The following TTLL5 variants were observed in gnomAD, a reference collection of about 807,000 sequenced individuals.
TTLL5 encodes the protein tubulin polyglutamylase TTLL5.
In TTLL5, 132 loss-of-function variants were observed where a neutral mutation model predicts 168.4. That is an observed-to-expected ratio of 0.78 (90% CI 0.68 to 0.91). TTLL5 has a LOEUF of 0.91. TTLL5 is among the 40% of genes least tolerant of loss of function. TTLL5 has a pLI of 0.00. For synonymous variants in TTLL5, 546 were observed against 558.6 expected, an observed-to-expected ratio of 0.98 and a Z score of 0.32; for missense variants, 1,545 against 1,581.5, an observed-to-expected ratio of 0.98 and a Z score of 0.39.
At chr14:75,872,912 CA>C (rs71119400) in intron 29 of TTLL5, among the ~76,000 whole-genome samples, 88 of 131,196 alleles carry the variant, frequency 6.7e-4, no homozygotes, top group East Asian at 6.1e-3. Context: ...AACTCCATCT[CA>C]AAAAAAAAAA....
chr14:75,753,684 T>C (rs1415019940), intron 18 of TTLL5, among the ~76,000 whole-genome samples: 2 of 152,218 alleles, frequency 1.3e-5, no homozygotes, highest in Non-Finnish European at 2.9e-5. Context: ...GCAATTTGTC[T>C]CTGTAAATTT....
Position 75,689,590 on chromosome 14 carries a change from A to G in TTLL5, c.372-602A>G, listed in dbSNP as rs374220196. On this transcript the variant is annotated intron_variant, in intron 5 of 31. Coordinates refer to ENST00000298832, the MANE Select transcript of TTLL5 (RefSeq NM_015072.5). Reference sequence around the variant, plus strand: ...TAATCTCCAAAAATTAAACAATCCAAATGCCTTCAACTGGTGAATGGATAA... The same window carrying G: ...TAATCTCCAAAAATTAAACAATCCAGATGCCTTCAACTGGTGAATGGATAA... 13 of 152,356 alleles carry G rather than the reference A, an allele frequency of 8.5e-5. No individual in the cohort carries two copies. In the East Asian group the frequency reaches 2.5e-3, roughly 29 times the overall value. The allele number at this position is 152,356 out of a possible 1,614,324, so 9.4% of individuals were successfully genotyped here.
chr14:75,908,282 A>C (rs1274787000), intron 31 of TTLL5, among the ~76,000 whole-genome samples: 1 of 152,266 alleles, frequency 6.6e-6, no homozygotes, highest in Non-Finnish European at 1.5e-5. Context: ...CTGCAGAGTC[A>C]GGCCCACCAG....
chr14:75,749,558 C>T (rs987269224), intron 17 of TTLL5, among the ~76,000 whole-genome samples: 2 of 70,730 alleles, frequency 2.8e-5, no homozygotes, highest in African/African-American at 4.2e-5. Context: ...GAGTGCTGAC[C>T]CTATAGGAGC....
At chr14:75,783,040 T>C in intron 25 of TTLL5, 107 bp from the exon 26 acceptor site, 1 of 1,247,088 alleles carries the variant, frequency 8.0e-7, no homozygotes, top group Non-Finnish European at 1.1e-6. Context: ...GATTTCTGTT[T>C]CATGCCAAGA....
rs1385837840 is a variant in TTLL5, at chr14:75,758,059, A to G, written c.1550+5104A>G. Among the ~76,000 whole-genome samples the G allele has an allele frequency of 4.6e-5, 7 of 152,258 alleles. 1 individual carries two copies. In the South Asian group the frequency reaches 1.2e-3, roughly 27 times the overall value. On this transcript the variant is annotated intron_variant, in intron 18 of 31. Coordinates refer to ENST00000298832, the MANE Select transcript of TTLL5 (RefSeq NM_015072.5). ...AGCTAAGTTTGAGATTTACTTCACT[A>G]TAACTACAGGTATACTATTCTAACT...
At chr14:75,731,656 G>A (rs1340999148) in intron 12 of TTLL5, among the ~76,000 whole-genome samples, 3 of 152,080 alleles carry the variant, frequency 2.0e-5, no homozygotes, top group Non-Finnish European at 4.4e-5. Context: ...AATATTAGTA[G>A]TGCAAAGATA....
chr14:75,821,182 A>T (rs1197344076), intron 28 of TTLL5, among the ~76,000 whole-genome samples: 3 of 152,244 alleles, frequency 2.0e-5, no homozygotes, highest in Non-Finnish European at 4.4e-5. Context: ...CCCAGGAAGC[A>T]GCATAGATAT....
chr14:75,906,410 C>A, intron 31 of TTLL5: 1 of 572,142 alleles, frequency 1.7e-6, no homozygotes, highest in Non-Finnish European at 2.2e-6. Context: ...AAAAGAGAGA[C>A]TGTGAATTGG....
In TTLL5 at chr14:75,707,846, T is replaced by A. The variant is rs971087919; in HGVS notation, c.740+139T>A. 8.3e-6 allele frequency: 6 copies of A among 719,304 alleles called. No individual in the cohort carries two copies. The Admixed American group carries it at 1.0e-4, about 12-fold the overall frequency. 44.6% of individuals were successfully genotyped at this position (719,304 alleles called of 1,614,324 possible). A position where few individuals can be genotyped will look rare whatever the true frequency, so the allele number is the denominator to read the frequency against. ...TTACTGCTTACAGATGCAATCCACC[T>A]CCTCAACTGCTGTGCTCTATAACAT... On this transcript the variant is annotated intron_variant, in intron 9 of 31. Transcript: ENST00000298832.
At chr14:75,924,457 T>A (rs2033938390) in intron 31 of TTLL5, among the ~76,000 whole-genome samples, 1 of 151,768 alleles carries the variant, frequency 6.6e-6, no homozygotes, top group African/African-American at 2.4e-5. Context: ...TGTCCCTGGG[T>A]ACTTGAGATT....
chr14:75,887,914 G>A (rs1419566220), intron 30 of TTLL5, among the ~76,000 whole-genome samples: 2 of 152,306 alleles, frequency 1.3e-5, no homozygotes, highest in African/African-American at 2.4e-5. Context: ...AGGTGCTGGG[G>A]GAATTTCTTT....
chr14:75,730,874 C>A (rs944881879), intron 12 of TTLL5, among the ~76,000 whole-genome samples: 5 of 152,112 alleles, frequency 3.3e-5, no homozygotes, highest in Admixed American at 2.6e-4. Context: ...TGCCTGCCAC[C>A]ACGCCCAGCT....
At chr14:75,804,251 T>C (rs1270827994) in intron 27 of TTLL5, among the ~76,000 whole-genome samples, 2 of 152,252 alleles carry the variant, frequency 1.3e-5, no homozygotes, top group East Asian at 3.8e-4. Flanking sequence ...TGCCTGGTCC[T>C]AGAGAAAGAT....
In TTLL5 at chr14:75,847,734, T is replaced by C. The variant is rs1229894350; in HGVS notation, c.3327-15933T>C. On this transcript the variant is annotated intron_variant, in intron 28 of 31. Coordinates refer to ENST00000298832, the MANE Select transcript of TTLL5 (RefSeq NM_015072.5). ...AGCCCAAGCAATATGGTGGCAGAAT[T>C]CGTGCTCTTAACCACTCTGCCAGTG... The C allele has an allele frequency of 6.6e-5, 10 of 152,002 alleles. 1 individual carries two copies. Among genetic ancestry groups the C allele is most frequent in the African/African-American group, 2.4e-4 (10 of 41,284 alleles). 9.4% of individuals were successfully genotyped at this position (152,002 alleles called of 1,614,324 possible).
At chr14:75,773,927 T>TATATATAGAGAGAG (rs1354936334) in intron 21 of TTLL5, among the ~76,000 whole-genome samples, 9 of 21,122 alleles carry the variant, frequency 4.3e-4, no homozygotes, top group African/African-American at 5.9e-4. Flanking sequence ...TATATATATA[T>TATATATAGAGAGAG]AGAGAGAGAG....
At chr14:75,691,230 T>C (rs1885441744) in intron 6 of TTLL5, among the ~76,000 whole-genome samples, 1 of 152,174 alleles carries the variant, frequency 6.6e-6, no homozygotes, top group African/African-American at 2.4e-5. Flanking sequence ...AGATCTAAAA[T>C]GGGCTTCTTA....
chr14:75,681,749 G>T, intron 4 of TTLL5, 122 bp downstream of exon 4: 1 of 718,726 alleles, frequency 1.4e-6, no homozygotes, highest in Non-Finnish European at 2.3e-6. Context: ...GCTTAGTGGT[G>T]GTCCAGAACT....
chr14:75,914,017 G>GAAAAAAA (rs1201862659), intron 31 of TTLL5, among the ~76,000 whole-genome samples: 497 of 30,976 alleles, frequency 0.016, 10 homozygotes, highest in South Asian at 0.033. Context: ...TGTTTAAAAG[G>GAAAAAAA]AAAAAAAAAA....
Sources: allele counts gnomAD v4.1 joint callset (sites outside exome capture counted in the v4.1 genomes callset), GRCh38; gene constraint gnomAD v4.1.1; transcripts MANE v1.5; gene names NCBI Gene and HGNC (gene_info 2026-07-23, HGNC 2026-07-21).